PPM1E: variants seen among roughly 807,000 people sequenced by gnomAD.
The protein encoded by PPM1E is protein phosphatase, Mg2+/Mn2+ dependent 1E.
A neutral mutation model predicts 65.9 loss-of-function variants in PPM1E; 20 were observed. The observed-to-expected ratio is 0.30, with a 90% confidence interval of 0.21 to 0.44. The LOEUF is 0.44. PPM1E is among the 20% of genes least tolerant of loss of function. The pLI is 1.00. For synonymous variants in PPM1E, 352 were observed against 374.9 expected (o/e 0.94, Z 0.70); for missense variants, 713 against 953.1 (o/e 0.75, Z 3.32).
At chr17:58,807,257 T>C (rs2050324991) in intron 1 of PPM1E, among the ~76,000 whole-genome samples, 1 of 152,226 alleles carries the variant, frequency 6.6e-6, no homozygotes, top group African/African-American at 2.4e-5. Context: ...GTGAACATAC[T>C]TGATTGCTAA....
chr17:58,781,839 T>C (rs2050053245), intron 1 of PPM1E, among the ~76,000 whole-genome samples: 1 of 151,446 alleles, frequency 6.6e-6, no homozygotes, highest in African/African-American at 2.4e-5. Context: ...TGAGCCAAGA[T>C]CACGCCTGTG....
chr17:58,918,969 G>A (rs886126886), intron 1 of PPM1E, among the ~76,000 whole-genome samples: 4 of 152,090 alleles, frequency 2.6e-5, no homozygotes, highest in Non-Finnish European at 5.9e-5. Context: ...CTACAGTTAT[G>A]AGGTCTAAAA....
At chr17:58,846,015 C>G (rs2050767833) in intron 1 of PPM1E, among the ~76,000 whole-genome samples, 1 of 152,120 alleles carries the variant, frequency 6.6e-6, no homozygotes, top group Non-Finnish European at 1.5e-5. Flanking sequence ...GAATAATATT[C>G]TGTTGTATAT....
intron 1 of PPM1E, among the ~76,000 whole-genome samples, chr17:58,904,260 T>G (rs1336076200): frequency 6.6e-6 from 1 of 152,192 alleles, no homozygotes; most frequent in Non-Finnish European, 1.5e-5. Context: ...ATTTGCCAGA[T>G]GAAGAAATTT....
intron 1 of PPM1E, among the ~76,000 whole-genome samples, chr17:58,836,974 C>T (rs1180235608): frequency 2.0e-5 from 3 of 146,558 alleles, no homozygotes; most frequent in South Asian, 2.2e-4. Flanking sequence ...GAGCCGAGAT[C>T]CCGCCACTGC....
chr17:58,876,267 A>G (rs1048439841), intron 1 of PPM1E, among the ~76,000 whole-genome samples: 2 of 152,168 alleles, frequency 1.3e-5, no homozygotes, highest in Non-Finnish European at 2.9e-5. Context: ...TAATTTTTAA[A>G]GGAGTTATAC....
At chr17:58,827,850 C>T (rs1237492088) in intron 1 of PPM1E, among the ~76,000 whole-genome samples, 6 of 136,492 alleles carry the variant, frequency 4.4e-5, no homozygotes, top group African/African-American at 8.3e-5. Context: ...TGCAGTGAGC[C>T]AAGATCGTGC....
chr17:58,913,946 C>T (rs938816126), intron 1 of PPM1E, among the ~76,000 whole-genome samples: 4 of 152,178 alleles, frequency 2.6e-5, no homozygotes, highest in African/African-American at 9.6e-5. Context: ...TTTACAAAGG[C>T]AGTTTTGTTT....
In PPM1E at chr17:58,965,894, G is replaced by A. The variant is rs1567891355; in HGVS notation, c.783+1G>A. The A allele has an allele frequency of 6.2e-7, 1 of 1,613,864 alleles. No individual in the cohort carries two copies. Among genetic ancestry groups the A allele is most frequent in the Non-Finnish European group, 8.5e-7 (1 of 1,179,804 alleles). On this transcript the variant is annotated splice_donor_variant, in intron 3 of 6. Coordinates refer to ENST00000308249, the MANE Select transcript of PPM1E (RefSeq NM_014906.5). LOFTEE classifies it high-confidence loss of function. ...CTTTAATATGCTCTTCAACCTAGAGGTAAAGGGCACTTTCGGAGAGTCAGT... is the reference window on the plus strand; with the variant it reads ...CTTTAATATGCTCTTCAACCTAGAGATAAAGGGCACTTTCGGAGAGTCAGT...
chr17:58,958,626 A>T (rs776685872), intron 2 of PPM1E, among the ~76,000 whole-genome samples: 6 of 152,168 alleles, frequency 3.9e-5, no homozygotes, highest in Admixed American at 2.0e-4. Flanking sequence ...CTAGAAAAAA[A>T]AAATAAATTA....
intron 1 of PPM1E, among the ~76,000 whole-genome samples, chr17:58,787,665 T>C (rs919134628): frequency 6.6e-6 from 1 of 151,936 alleles, no homozygotes; most frequent in Admixed American, 6.6e-5. Context: ...TCCCAGCACT[T>C]TGGGAGGCCG....
chr17:58,858,858 C>A (rs1281379049), intron 1 of PPM1E, among the ~76,000 whole-genome samples: 1 of 152,222 alleles, frequency 6.6e-6, no homozygotes, highest in Non-Finnish European at 1.5e-5. Flanking sequence ...AGTGTGATTG[C>A]TGGATCATAT....
intron 1 of PPM1E, among the ~76,000 whole-genome samples, chr17:58,818,144 T>G (rs571285686): frequency 1.8e-4 from 28 of 152,130 alleles, no homozygotes; most frequent in African/African-American, 6.5e-4. Flanking sequence ...GAGACAGTAC[T>G]TAATAGCAGT....
chr17:58,760,266 C>T (rs2049809205), intron 1 of PPM1E, among the ~76,000 whole-genome samples: 1 of 152,210 alleles, frequency 6.6e-6, no homozygotes, highest in African/African-American at 2.4e-5. Flanking sequence ...TATCTCCATC[C>T]TTTCTTTGAC....
intron 1 of PPM1E, among the ~76,000 whole-genome samples, chr17:58,788,103 T>C (rs1038207882): frequency 6.6e-6 from 1 of 151,902 alleles, no homozygotes; most frequent in South Asian, 2.1e-4. Context: ...CAAGCTGGAG[T>C]GCAGTAGCCC....
At chr17:58,796,532 A>C (rs2144274015) in intron 1 of PPM1E, among the ~76,000 whole-genome samples, 1 of 152,302 alleles carries the variant, frequency 6.6e-6, no homozygotes, top group African/African-American at 2.4e-5. Flanking sequence ...GGCCTCCCAA[A>C]ATGTTAGGAT....
In PPM1E at chr17:58,923,284, CAA is replaced by C. The variant is rs60557317; in HGVS notation, c.465-32348_465-32347del. Among the ~76,000 whole-genome samples, 218 of 102,444 alleles carry C rather than the reference CAA, an allele frequency of 2.1e-3. 2 individuals carry two copies. In the East Asian group the frequency reaches 0.025, roughly 12 times the overall value. The allele number at this position is 102,444 out of a possible 152,430, so 67.2% of individuals were successfully genotyped here. On this transcript the variant is annotated intron_variant, in intron 1 of 6. Coordinates refer to ENST00000308249, the MANE Select transcript of PPM1E (RefSeq NM_014906.5). Reference sequence around the variant, plus strand: ...TGGGTGACAGAGTGAGACCCTATCTCAAAAAAAAAAAAAAAAAAGAAAGAAAG... The same window carrying C: ...TGGGTGACAGAGTGAGACCCTATCTCAAAAAAAAAAAAAAAAGAAAGAAAG...
intron 1 of PPM1E, among the ~76,000 whole-genome samples, chr17:58,794,161 G>A (rs1237553275): frequency 6.6e-6 from 1 of 151,990 alleles, no homozygotes; most frequent in African/African-American, 2.4e-5. Context: ...GCCAGGCTGG[G>A]TATAAACTCC....
intron 1 of PPM1E, among the ~76,000 whole-genome samples, chr17:58,881,467 G>T (rs914586001): frequency 1.3e-5 from 2 of 152,056 alleles, no homozygotes; most frequent in Non-Finnish European, 2.9e-5. Flanking sequence ...TTCAAGACCA[G>T]CCTGGCTAAG....
Sources: allele counts gnomAD v4.1 joint callset (sites outside exome capture counted in the v4.1 genomes callset), GRCh38; gene constraint gnomAD v4.1.1; transcripts MANE v1.5; gene names NCBI Gene and HGNC (gene_info 2026-07-23, HGNC 2026-07-21).